The following SYNJ2 variants were observed in gnomAD, a reference collection of about 807,000 sequenced individuals.
SYNJ2 encodes the protein synaptojanin 2, also known as polyphosphatidylinositol phosphatase SYNJ2.
Under a neutral mutation model 141.3 loss-of-function variants are expected in SYNJ2, and 116 were observed. The ratio of observed to expected loss-of-function variants is 0.82; its 90% confidence interval spans 0.71 to 0.96. SYNJ2 has a LOEUF of 0.96. Among genes scored for constraint, SYNJ2 ranks in the 40% least tolerant of loss-of-function variants. The pLI is 0.00. For missense variants in SYNJ2, 1,873 were observed against 1,934.8 expected (o/e 0.97, Z 0.60); for synonymous variants, 745 against 777.7 (o/e 0.96, Z 0.70).
chr6:158,091,315 C>CA (rs1353176436), intron 25 of SYNJ2, among the ~76,000 whole-genome samples: 1 of 148,846 alleles, frequency 6.7e-6, no homozygotes, highest in African/African-American at 2.5e-5. Flanking sequence ...GACTCCGTCT[C>CA]AAAAAAAGAA....
intron 1 of SYNJ2, among the ~76,000 whole-genome samples, chr6:158,003,937 C>CG (rs997494116): frequency 2.0e-5 from 3 of 152,202 alleles, no homozygotes; most frequent in African/African-American, 7.2e-5. Context: ...GAGCTGGAGA[C>CG]GGGGAGTTCC....
intron 20 of SYNJ2, among the ~76,000 whole-genome samples, chr6:158,082,857 T>C (rs550684534): frequency 6.6e-6 from 1 of 152,240 alleles, no homozygotes; most frequent in Non-Finnish European, 1.5e-5. Flanking sequence ...TTTTGGAATA[T>C]GCAGCTCATA....
chr6:158,052,230 C>T (rs1780609373), intron 5 of SYNJ2, among the ~76,000 whole-genome samples: 2 of 152,198 alleles, frequency 1.3e-5, no homozygotes, highest in Non-Finnish European at 2.9e-5. Context: ...ACTACTTATT[C>T]TTGAAATAAT....
chr6:158,049,873 TGGCTCTGCAGGTATGCCTGC>T (rs1304693205), intron 5 of SYNJ2, among the ~76,000 whole-genome samples: 20 of 147,720 alleles, frequency 1.4e-4, no homozygotes, highest in South Asian at 6.5e-4. Context: ...GGTGGGGACA[TGGCTCTGCAGGTATGCCTGC>T]GGCTCTGCAG....
intron 6 of SYNJ2, 73 bp downstream of exon 6, chr6:158,055,101 G>A: frequency 6.5e-7 from 1 of 1,539,178 alleles, no homozygotes; most frequent in Non-Finnish European, 8.9e-7. Context: ...AGACACAAGG[G>A]AGAGGGTGCG....
chr6:158,041,884 A>C (rs1307339416), intron 4 of SYNJ2, among the ~76,000 whole-genome samples: 1 of 152,112 alleles, frequency 6.6e-6, no homozygotes, highest in Non-Finnish European at 1.5e-5. Flanking sequence ...AACTTTTTAA[A>C]AATTGTTTTG....
At chr6:158,076,560 GT>G (rs1782302677) in intron 16 of SYNJ2, 65 bp from the exon 17 acceptor site, 1 of 1,528,302 alleles carries the variant, frequency 6.5e-7, no homozygotes, top group African/African-American at 1.4e-5. Flanking sequence ...TTCAGTTTTC[GT>G]TTTTGTATAT....
At chr6:158,057,496 A>G (rs1291050210) in intron 6 of SYNJ2, among the ~76,000 whole-genome samples, 2 of 152,236 alleles carry the variant, frequency 1.3e-5, no homozygotes, top group Admixed American at 6.5e-5. Flanking sequence ...CCTCCTCGCC[A>G]TTCTCCGCAG....
At chr6:158,075,120 C>T (rs1008374316) in intron 16 of SYNJ2, among the ~76,000 whole-genome samples, 4 of 151,886 alleles carry the variant, frequency 2.6e-5, no homozygotes, top group Non-Finnish European at 4.4e-5. Context: ...TTAGTAGAGA[C>T]GGGTTTTCAC....
At chr6:158,061,093 A>G (rs546837565) in intron 7 of SYNJ2, among the ~76,000 whole-genome samples, 1 of 152,232 alleles carries the variant, frequency 6.6e-6, no homozygotes, top group East Asian at 1.9e-4. Flanking sequence ...TTGCTTGATG[A>G]TGGCAGCACT....
At chr6:158,041,184 G>T (rs1249419782) in intron 4 of SYNJ2, among the ~76,000 whole-genome samples, 1 of 152,070 alleles carries the variant, frequency 6.6e-6, no homozygotes, top group Non-Finnish European at 1.5e-5. Context: ...ATGTGCCCAG[G>T]GCCACCCTGC....
At chr6:158,011,176 C>T (rs949956184) in intron 1 of SYNJ2, among the ~76,000 whole-genome samples, 9 of 152,022 alleles carry the variant, frequency 5.9e-5, no homozygotes, top group African/African-American at 1.7e-4. Context: ...CACGCGACGA[C>T]GGAGGAAGGG....
At chr6:157,988,794 G>A (rs1264216575) in intron 1 of SYNJ2, among the ~76,000 whole-genome samples, 4 of 152,146 alleles carry the variant, frequency 2.6e-5, no homozygotes, top group African/African-American at 4.8e-5. Flanking sequence ...AGCTGTCCTC[G>A]AGGTGAAAAC....
chr6:158,009,591 G>T lies in SYNJ2; in HGVS notation c.128-7613G>T, dbSNP rs1778191089. On this transcript the variant is annotated intron_variant, in intron 1 of 26. Coordinates refer to ENST00000355585, the MANE Select transcript of SYNJ2 (RefSeq NM_003898.4). ...GCCAGAAATTCGTGGCCAGCCAAAG[G>T]GGAAGCAAAGACATTCTCGTGTAGG... Among the ~76,000 whole-genome samples, 3 of 152,338 alleles carry T rather than the reference G, an allele frequency of 2.0e-5. No homozygotes were observed. In the South Asian group the frequency reaches 6.2e-4, roughly 32 times the overall value.
chr6:158,098,532 C>A lies in SYNJ2; in HGVS notation c.*2168C>A, dbSNP rs1783902052. 1 of 143,450 alleles carries A rather than the reference C, an allele frequency of 7.0e-6. No individual in the cohort carries two copies. The highest frequency in any genetic ancestry group is 1.5e-5 in the Non-Finnish European group (1 of 65,328). The allele number at this position is 143,450 out of a possible 1,614,324, so 8.9% of individuals were successfully genotyped here. A position where few individuals can be genotyped will look rare whatever the true frequency, so the allele number is the denominator to read the frequency against. On this transcript the variant is annotated 3_prime_UTR_variant, in exon 27 of 27. Transcript: ENST00000355585. ...TAGGTATGGTTCTCATACCAGAATTCTCTTAAAAAAAAAAAAAAGGACAAT... is the reference window on the plus strand; with the variant it reads ...TAGGTATGGTTCTCATACCAGAATTATCTTAAAAAAAAAAAAAAGGACAAT...
intron 5 of SYNJ2, among the ~76,000 whole-genome samples, chr6:158,044,182 C>T (rs1166008457): frequency 6.6e-6 from 1 of 152,228 alleles, no homozygotes; most frequent in Non-Finnish European, 1.5e-5. Context: ...TCTCGTGTGA[C>T]TGCATTTGGG....
At chr6:158,042,469 G>A (rs1407416944) in intron 4 of SYNJ2, among the ~76,000 whole-genome samples, 3 of 152,258 alleles carry the variant, frequency 2.0e-5, no homozygotes, top group African/African-American at 2.4e-5. Flanking sequence ...CCACAGCAGC[G>A]CCCAGGCCGC....
At chr6:158,036,149 C>T (rs1297769473) in intron 4 of SYNJ2, among the ~76,000 whole-genome samples, 2 of 152,098 alleles carry the variant, frequency 1.3e-5, no homozygotes, top group Non-Finnish European at 2.9e-5. Context: ...ATTTGACTTG[C>T]GTGAATATTA....
chr6:158,039,202 T>C (rs1403602824), intron 4 of SYNJ2, among the ~76,000 whole-genome samples: 1 of 152,254 alleles, frequency 6.6e-6, no homozygotes, highest in East Asian at 1.9e-4. Flanking sequence ...GCAGTACTGA[T>C]GCTTAGGTTG....
Sources: gnomAD v4.1 joint callset for allele counts (sites outside exome capture counted in the v4.1 genomes callset) on GRCh38, gnomAD v4.1.1 for gene constraint, MANE v1.5 for transcripts, NCBI Gene and HGNC (gene_info 2026-07-23, HGNC 2026-07-21) for gene names.